The following AZGP1 variants were observed in gnomAD, a reference collection of about 807,000 sequenced individuals.
AZGP1 encodes the protein zinc-alpha-2-glycoprotein.
A neutral mutation model predicts 31.5 loss-of-function variants in AZGP1; 28 were observed. The observed-to-expected ratio is 0.89, with a 90% CI of 0.66 to 1.22. The LOEUF is 1.22. AZGP1 is among the 50% of genes most tolerant of loss of function. The probability of loss-of-function intolerance (pLI) is 0.00; values close to 1 mark genes in which losing one functional copy is unlikely to be tolerated. For missense variants in AZGP1, 361 were observed against 371.8 expected, an observed-to-expected ratio of 0.97 and a Z score of 0.24; for synonymous variants, 135 against 145.4, an observed-to-expected ratio of 0.93 and a Z score of 0.51.
chr7:99,968,318 T>G lies in AZGP1; in HGVS notation c.450A>C (p.Glu150Asp). ...DGKDYIEFNK[E>D]IPAWVPFDPA... is the part of the protein sequence containing the mutation. ...GGTCGAAGGGGACCCAGGCTGGGAT[T>G]TCTTTGTTGAATTCAATGTAGTCCT... The change falls in exon 3 of 4, where the codon GAA (glutamate) becomes GAC (aspartate). Residue 150 changes from glutamate (E) to aspartate (D), a missense_variant. Glu to Asp is a conservative substitution (Grantham distance 45). Coordinates refer to ENST00000292401, the MANE Select transcript of AZGP1 (RefSeq NM_001185.4). 6.2e-7 allele frequency: 1 copy of G among 1,613,646 alleles called. No individual in the cohort carries two copies. The highest frequency in any genetic ancestry group is 8.5e-7 in the Non-Finnish European group (1 of 1,179,912).
chr7:99,972,119 C>A, intron 1 of AZGP1, 113 bp from the exon 2 acceptor site: 1 of 1,270,072 alleles, frequency 7.9e-7, no homozygotes, highest in Non-Finnish European at 1.1e-6. Flanking sequence ...AGCTCTTTCT[C>A]CTGCCATCAA....
chr7:99,969,211 C>G (rs1194836261), intron 2 of AZGP1, among the ~76,000 whole-genome samples: 1 of 151,506 alleles, frequency 6.6e-6, no homozygotes, highest in Non-Finnish European at 1.5e-5. Flanking sequence ...GAGTTTGAGA[C>G]CAGCCTGGCC....
At chr7:99,968,527 T>G in intron 2 of AZGP1, 97 bp from the exon 3 acceptor site, 1 of 1,490,724 alleles carries the variant, frequency 6.7e-7, no homozygotes, top group Non-Finnish European at 9.1e-7. Flanking sequence ...CCAAAAGAAA[T>G]AAAGGTTTTT....
intron 3 of AZGP1, 104 bp downstream of exon 3, chr7:99,968,051 C>T: frequency 7.0e-7 from 1 of 1,435,316 alleles, no homozygotes; most frequent in South Asian, 1.2e-5. Flanking sequence ...GTCTGAGGGA[C>T]ATCCAGGAAC....
intron 1 of AZGP1, among the ~76,000 whole-genome samples, chr7:99,973,758 A>G (rs1282696041): frequency 1.3e-5 from 2 of 151,796 alleles, no homozygotes; most frequent in East Asian, 3.9e-4. Flanking sequence ...TCTACTAAAA[A>G]TACATAAATT....
At chr7:99,968,885 C>G in intron 2 of AZGP1, 1 of 143,966 alleles carries the variant, frequency 6.9e-6, no homozygotes, top group Non-Finnish European at 1.4e-5. Context: ...ATCACTTCAG[C>G]CTGGGAAGTC....
At chr7:99,967,550 C>T (rs558260041) in intron 3 of AZGP1, 2 of 540,210 alleles carry the variant, frequency 3.7e-6, no homozygotes, top group Non-Finnish European at 6.6e-6. Context: ...TCCCACATCT[C>T]AGTGGGCTTT....
chr7:99,968,190 T>C lies in AZGP1; in HGVS notation c.578A>G (p.Tyr193Cys). The C allele has an allele frequency of 6.2e-7, 1 of 1,613,868 alleles. No individual in the cohort carries two copies. Among genetic ancestry groups the C allele is most frequent in the Non-Finnish European group, 8.5e-7 (1 of 1,179,984 alleles). Residue 193 changes from tyrosine to cysteine, a missense_variant, in exon 3 of 4, where the codon TAC becomes TGC. Transcript: ENST00000292401. ...EEECPATLRK[Y>C]LKYSKNILDR... The stretch of plus-strand genomic sequence containing the variant: ...CAGGATATTTTTGCTGTATTTCAGG[T>C]ATTTCCGCAGAGTCGCAGGGCACTC...
Position 99,968,606 on chromosome 7 carries a change from G to C in AZGP1, c.338-176C>G. ...TACTCCAATATATACAACAGACAGA[G>C]AGGGGCTAACTCAGTTTGGTTTGGC... On this transcript the variant is annotated intron_variant, in intron 2 of 3. Transcript: ENST00000292401. 12 of 780,948 alleles carry C rather than the reference G, an allele frequency of 1.5e-5. 2 individuals carry two copies. The South Asian group carries it at 2.0e-4, about 13-fold the overall frequency. The allele number at this position is 780,948 out of a possible 1,614,324, so 48.4% of individuals were successfully genotyped here.
At chr7:99,967,504 A>G (rs1789504363) in intron 3 of AZGP1, 2 of 597,106 alleles carry the variant, frequency 3.3e-6, no homozygotes, top group East Asian at 2.8e-5. Context: ...TCTGACGGCA[A>G]TAAGTTGTGA....
chr7:99,967,338 C>G (rs1789501314), intron 3 of AZGP1, 52 bp from the exon 4 acceptor site: 1 of 1,573,338 alleles, frequency 6.4e-7, no homozygotes, highest in African/African-American at 1.4e-5. Flanking sequence ...CTTCTCCCGG[C>G]CCAGGTCTCT....
Position 99,966,953 on chromosome 7 carries a change from A to C in AZGP1, c.*50T>G. ...TGGTTCAGCTCCCACATCAGGCAGG[A>C]AGGGCAGCTACTGGGTCTGAGATCC... is the stretch of plus-strand genomic sequence containing the variant. On this transcript the variant is annotated 3_prime_UTR_variant, in exon 4 of 4. Coordinates refer to ENST00000292401, the MANE Select transcript of AZGP1 (RefSeq NM_001185.4). 3 of 1,585,492 alleles carry C rather than the reference A, an allele frequency of 1.9e-6. No individual in the cohort carries two copies. The highest frequency in any genetic ancestry group is 2.6e-6 in the Non-Finnish European group (3 of 1,163,628).
At chr7:99,971,558 G>T in intron 2 of AZGP1, 188 bp downstream of exon 2, 1 of 679,510 alleles carries the variant, frequency 1.5e-6, no homozygotes, top group Non-Finnish European at 2.4e-6. Flanking sequence ...TGGGGCAATT[G>T]ATGGGGAAGC....
chr7:99,968,347 C>T lies in AZGP1; in HGVS notation c.421G>A (p.Gly141Arg). 6.2e-7 allele frequency: 1 copy of T among 1,613,570 alleles called. No homozygotes were observed. The highest frequency in any genetic ancestry group is 8.5e-7 in the Non-Finnish European group (1 of 1,179,914). Residue 141 changes from glycine (G) to arginine (R), a missense_variant, in exon 3 of 4, where the codon GGA becomes AGA. Physicochemically the swap from Gly to Arg is moderately radical, Grantham distance 125. Coordinates refer to ENST00000292401, the MANE Select transcript of AZGP1 (RefSeq NM_001185.4). The stretch of plus-strand genomic sequence containing the variant: ...TTGTTGAATTCAATGTAGTCCTTTC[C>T]ATCATAGTAATATTTCCAGAATGCT... ...SGAFWKYYYD[G>R]KDYIEFNKEI...
At chr7:99,969,576 A>T (rs1313978483) in intron 2 of AZGP1, among the ~76,000 whole-genome samples, 1 of 151,672 alleles carries the variant, frequency 6.6e-6, no homozygotes, top group South Asian at 2.1e-4. Context: ...GCAAAACTCC[A>T]TCTCAAAAAA....
At chr7:99,970,956 G>A (rs920089351) in intron 2 of AZGP1, among the ~76,000 whole-genome samples, 5 of 152,280 alleles carry the variant, frequency 3.3e-5, no homozygotes, top group South Asian at 2.1e-4. Flanking sequence ...ATCTCTGCAC[G>A]GGCTCTGCCA....
At chr7:99,973,185 G>T (rs1272648253) in intron 1 of AZGP1, among the ~76,000 whole-genome samples, 1 of 152,074 alleles carries the variant, frequency 6.6e-6, no homozygotes, top group African/African-American at 2.4e-5. Flanking sequence ...GTAGAAAGGA[G>T]AATTTACCAG....
chr7:99,970,758 T>C (rs918176588), intron 2 of AZGP1, among the ~76,000 whole-genome samples: 1 of 152,214 alleles, frequency 6.6e-6, no homozygotes, highest in Non-Finnish European at 1.5e-5. Context: ...CCTATCTCTT[T>C]CTTGCCTCCT....
intron 2 of AZGP1, among the ~76,000 whole-genome samples, chr7:99,970,592 T>G (rs928383764): frequency 1.2e-4 from 18 of 152,026 alleles, no homozygotes; most frequent in South Asian, 2.1e-4. Context: ...CTCCTTCCTC[T>G]TAATTATCCA....
Sources: gnomAD v4.1 joint callset for allele counts (sites outside exome capture counted in the v4.1 genomes callset) on GRCh38, gnomAD v4.1.1 for gene constraint, MANE v1.5 for transcripts, NCBI Gene and HGNC (gene_info 2026-07-23, HGNC 2026-07-21) for gene names.